Variants in ARHGEF4 observed in about 807,000 individuals in gnomAD.
ARHGEF4 encodes the protein APC-stimulated guanine nucleotide exchange factor 1.
In ARHGEF4, 119 loss-of-function variants were observed where a neutral mutation model predicts 162.0. That is an observed-to-expected ratio of 0.73 (90% confidence interval 0.63 to 0.86). The LOEUF (loss-of-function observed/expected upper bound fraction) is 0.86. Among genes scored for constraint, ARHGEF4 ranks in the 40% least tolerant of loss-of-function variants. The probability of loss-of-function intolerance (pLI) is 0.00; values close to 1 mark genes in which losing one functional copy is unlikely to be tolerated. For missense variants in ARHGEF4, 2,488 were observed against 2,456.0 expected (o/e 1.01, Z -0.28); for synonymous variants, 1,014 against 979.9 (o/e 1.03, Z -0.65).
intron 2 of ARHGEF4, among the ~76,000 whole-genome samples, chr2:130,917,861 C>T (rs1198513950): frequency 1.4e-5 from 2 of 146,172 alleles, no homozygotes; most frequent in South Asian, 4.3e-4. Flanking sequence ...CTCGCTCTGT[C>T]GCCCAGGCTG....
rs1681555536 is a variant in ARHGEF4, at chr2:130,917,221, C to G, written c.3275C>G (p.Pro1092Arg). ...NPGTPCRPTS[P>R]KPLSPRPSAQ... ...GGGACGCCCTGCAGACCCACGAGCCCCAAGCCCCTGAGTCCCAGGCCTAGT... is the reference window on the plus strand; with the variant it reads ...GGGACGCCCTGCAGACCCACGAGCCGCAAGCCCCTGAGTCCCAGGCCTAGT... The change falls in exon 2 of 14, where the codon CCC (proline) becomes CGC (arginine). Residue 1092 changes from proline (P) to arginine (R), a missense_variant. Transcript: ENST00000409359. 1.3e-6 allele frequency: 2 copies of G among 1,550,414 alleles called. No homozygotes were observed. Among genetic ancestry groups the G allele is most frequent in the Non-Finnish European group, 1.7e-6 (2 of 1,146,998 alleles).
At position 131,046,924 on chromosome 2, in the gene ARHGEF4, T is replaced by C. The variant is rs1015290122; in HGVS notation, c.*735T>C. The stretch of plus-strand genomic sequence containing the variant: ...CACCTCGTTCCTGGTTTTGTTTGGA[T>C]TTTGGCATCTTGTTTTTCTAACAAC... On this transcript the variant is annotated 3_prime_UTR_variant, in exon 14 of 14. Coordinates refer to ENST00000409359, the MANE Select transcript of ARHGEF4 (RefSeq NM_001367493.1). 1 of 152,694 alleles carries C rather than the reference T, an allele frequency of 6.5e-6. No homozygotes were observed. Among genetic ancestry groups the C allele is most frequent in the African/African-American group, 2.4e-5 (1 of 41,466 alleles). The allele number at this position is 152,694 out of a possible 1,614,324, so 9.5% of individuals were successfully genotyped here.
At chr2:131,031,129 G>T (rs1573663143) in intron 5 of ARHGEF4, among the ~76,000 whole-genome samples, 1 of 152,050 alleles carries the variant, frequency 6.6e-6, no homozygotes, top group Admixed American at 6.5e-5. Context: ...TTATCTTTTT[G>T]AGCTCTCAGT....
intron 4 of ARHGEF4, among the ~76,000 whole-genome samples, chr2:131,016,205 C>A (rs1688770175): frequency 6.6e-6 from 1 of 152,182 alleles, no homozygotes; most frequent in Admixed American, 6.5e-5. Flanking sequence ...TCTCCCAGGC[C>A]TGGTTGGGCC....
In ARHGEF4 at chr2:130,946,626, C is replaced by T; in HGVS notation, c.3976C>T (p.Pro1326Ser). The change falls in exon 4 of 14, where the codon CCA (proline) becomes TCA (serine). Residue 1326 changes from proline to serine, a missense_variant. Around this residue, in one of 6 missense-constraint regions of ARHGEF4, gnomAD observed 1,642 missense variants for 1,481.5 expected, o/e 1.11. Transcript: ENST00000409359. Reference protein sequence around the residue: ...LNHMGWPEHTPGTAMPDGALD... With the variant: ...LNHMGWPEHTSGTAMPDGALD... ...CCACATGGGCTGGCCAGAGCACACA[C>T]CAGGCACTGGTGAGTTACGCGCCTC... 1.9e-6 allele frequency: 3 copies of T among 1,614,040 alleles called. No individual in the cohort carries two copies. Among genetic ancestry groups the T allele is most frequent in the Non-Finnish European group, 1.7e-6 (2 of 1,179,942 alleles).
chr2:130,949,085 TTC>T (rs979313009), intron 4 of ARHGEF4, among the ~76,000 whole-genome samples: 25 of 152,290 alleles, frequency 1.6e-4, no homozygotes, highest in Non-Finnish European at 2.8e-4. Context: ...CTGGGAGAAT[TTC>T]TGTTTCATCT....
intron 1 of ARHGEF4, among the ~76,000 whole-genome samples, chr2:130,843,798 C>T (rs1198459577): frequency 6.6e-6 from 1 of 152,242 alleles, no homozygotes; most frequent in Non-Finnish European, 1.5e-5. Flanking sequence ...CACAGCGTAT[C>T]CTCGGGAAAT....
At chr2:130,903,667 C>T (rs530890445) in intron 1 of ARHGEF4, among the ~76,000 whole-genome samples, 1 of 152,268 alleles carries the variant, frequency 6.6e-6, no homozygotes, top group African/African-American at 2.4e-5. Context: ...ACATGGTACC[C>T]AATAGGTAGT....
At chr2:130,946,199 G>A (rs190551343) in intron 3 of ARHGEF4, among the ~76,000 whole-genome samples, 36 of 152,322 alleles carry the variant, frequency 2.4e-4, no homozygotes, top group Admixed American at 5.2e-4. Context: ...TGCTTTCGGG[G>A]AGATATCAGG....
chr2:131,006,540 G>T lies in ARHGEF4; in HGVS notation c.3986-21405G>T, dbSNP rs539225899. Among the ~76,000 whole-genome samples, 8 of 152,326 alleles carry T rather than the reference G, an allele frequency of 5.3e-5. No homozygotes were observed. The East Asian group carries it at 1.5e-3, about 29-fold the overall frequency. Reference sequence around the variant, plus strand: ...CATTAGGGAATGCCATCCAGGAGCCGTTTGTCTACTATTCACTAGTTAGGG... The same window carrying T: ...CATTAGGGAATGCCATCCAGGAGCCTTTTGTCTACTATTCACTAGTTAGGG... On this transcript the variant is annotated intron_variant, in intron 4 of 13. Transcript: ENST00000409359.
At chr2:130,854,293 G>T (rs535265419) in intron 1 of ARHGEF4, among the ~76,000 whole-genome samples, 2 of 152,278 alleles carry the variant, frequency 1.3e-5, no homozygotes, top group African/African-American at 4.8e-5. Context: ...CTCATGCTTT[G>T]GCAGGGAGGA....
chr2:130,944,036 C>T (rs1683463294), intron 3 of ARHGEF4, among the ~76,000 whole-genome samples: 1 of 152,182 alleles, frequency 6.6e-6, no homozygotes, highest in Non-Finnish European at 1.5e-5. Context: ...ATTTTACCTT[C>T]ATTCCTGAAC....
chr2:130,897,478 C>T (rs1680229200), intron 1 of ARHGEF4, among the ~76,000 whole-genome samples: 1 of 152,048 alleles, frequency 6.6e-6, no homozygotes, highest in Non-Finnish European at 1.5e-5. Context: ...GACTGGCTTC[C>T]GGGGGTAATG....
At chr2:131,034,524 C>T (rs974180191) in intron 5 of ARHGEF4, among the ~76,000 whole-genome samples, 1 of 152,186 alleles carries the variant, frequency 6.6e-6, no homozygotes, top group African/African-American at 2.4e-5. Flanking sequence ...ATCCTGCCTC[C>T]GCCATCCCTG....
In ARHGEF4 at chr2:131,019,702, C is replaced by T. The variant is rs188506709; in HGVS notation, c.3986-8243C>T. On this transcript the variant is annotated intron_variant, in intron 4 of 13. Transcript: ENST00000409359. ...AGGCTGGAGTGCAGTGGCGCGATCT[C>T]GGCTCACTGCAAGCTCCGCCTCCCG... Among the ~76,000 whole-genome samples, 988 of 152,110 alleles carry T rather than the reference C, an allele frequency of 6.5e-3. 6 individuals carry two copies. Among genetic ancestry groups the T allele is most frequent in the African/African-American group, 0.023 (936 of 41,490 alleles).
intron 2 of ARHGEF4, among the ~76,000 whole-genome samples, chr2:130,926,379 T>G (rs930050544): frequency 2.2e-4 from 34 of 152,338 alleles, no homozygotes; most frequent in Admixed American, 1.7e-3. Context: ...TTCCTGCACC[T>G]CTGTCTTCTC....
intron 4 of ARHGEF4, among the ~76,000 whole-genome samples, chr2:131,026,993 A>T (rs951628326): frequency 1.3e-5 from 2 of 152,240 alleles, no homozygotes; most frequent in African/African-American, 4.8e-5. Context: ...TATTGATTTC[A>T]TAGGGGCAGG....
chr2:130,958,975 T>C (rs1684465266), intron 4 of ARHGEF4, among the ~76,000 whole-genome samples: 1 of 151,280 alleles, frequency 6.6e-6, no homozygotes, highest in Admixed American at 6.6e-5. Context: ...GAGGTCTTAC[T>C]CTGTTGCCCA....
At chr2:130,921,520 G>A (rs149311413) in intron 2 of ARHGEF4, among the ~76,000 whole-genome samples, 1 of 152,280 alleles carries the variant, frequency 6.6e-6, no homozygotes, top group East Asian at 1.9e-4. Context: ...TTTTTCCAAA[G>A]TGATTGCATC....
Sources: gnomAD v4.1 joint callset for allele counts (sites outside exome capture counted in the v4.1 genomes callset) on GRCh38, gnomAD v4.1.1 for gene constraint, gnomAD v4.1.1 regional missense constraint, MANE v1.5 for transcripts, NCBI Gene and HGNC (gene_info 2026-07-23, HGNC 2026-07-21) for gene names.